Variants in LMX1A observed in about 807,000 individuals in gnomAD.
The protein encoded by LMX1A is LIM homeobox transcription factor 1-alpha.
Under a neutral mutation model 49.1 loss-of-function variants are expected in LMX1A, and 15 were observed. The observed-to-expected ratio is 0.31, with a 90% CI of 0.20 to 0.47. The LOEUF (loss-of-function observed/expected upper bound fraction) is 0.47, where lower values mean the gene tolerates loss of function less well. Ranked by LOEUF, LMX1A falls within the 20% of genes least tolerant of loss-of-function variation. The pLI is 1.00. For synonymous variants in LMX1A, 167 were observed against 185.7 expected (o/e 0.90, Z 0.82); for missense variants, 372 against 475.8 (o/e 0.78, Z 2.03).
chr1:165,214,723 C>T (rs1321357696), intron 4 of LMX1A, among the ~76,000 whole-genome samples: 2 of 152,194 alleles, frequency 1.3e-5, no homozygotes, highest in Non-Finnish European at 2.9e-5. Context: ...CATTAGATTA[C>T]CTGCCAGTAC....
Position 165,308,884 on chromosome 1 carries a change from C to T in LMX1A, c.263+44192G>A, listed in dbSNP as rs1299400440. On this transcript the variant is annotated intron_variant, in intron 3 of 8. Transcript: ENST00000342310. Reference sequence around the variant, plus strand: ...AGGGGTGATCTGCTCATCTTGAAAGCACCTCCCAGGTTAGCCAATGGGACC... The same window carrying T: ...AGGGGTGATCTGCTCATCTTGAAAGTACCTCCCAGGTTAGCCAATGGGACC... Among the ~76,000 whole-genome samples the T allele has an allele frequency of 2.0e-5, 3 of 152,300 alleles. No homozygotes were observed. In the East Asian group the frequency reaches 5.8e-4, roughly 29 times the overall value.
intron 4 of LMX1A, among the ~76,000 whole-genome samples, chr1:165,225,925 A>C (rs942557566): frequency 3.3e-5 from 5 of 152,234 alleles, no homozygotes; most frequent in Non-Finnish European, 4.4e-5. Context: ...GCACATTCTT[A>C]CTTTCAGTCA....
chr1:165,228,607 T>C (rs10494437), intron 4 of LMX1A, among the ~76,000 whole-genome samples: 26,255 of 152,150 alleles, frequency 0.17, 2,543 homozygotes, highest in African/African-American at 0.26. Context: ...ACTAGCCATA[T>C]TGAAAACTAA....
Position 165,324,071 on chromosome 1 carries a change from T to C in LMX1A, c.263+29005A>G, listed in dbSNP as rs548337064. Among the ~76,000 whole-genome samples, 7 of 152,312 alleles carry C rather than the reference T, an allele frequency of 4.6e-5. No individual in the cohort carries two copies. The South Asian group carries it at 1.0e-3, about 23-fold the overall frequency. On this transcript the variant is annotated intron_variant, in intron 3 of 8. Coordinates refer to ENST00000342310, the MANE Select transcript of LMX1A (RefSeq NM_177398.4). ...ATAGCCTAATACAGATACCAATCCA[T>C]GAGAAAGGTGAAAATAAGACTCATG...
chr1:165,353,220 C>T lies in LMX1A; in HGVS notation c.119G>A (p.Arg40Gln), dbSNP rs199877582. ...SPKSVCEGCQ[R>Q]VILDRFLLRL... The stretch of plus-strand genomic sequence containing the variant: ...CAGCAGAAACCTGTCCAAGATGACC[C>T]GCTGACAGCCCTCGCAGACAGACTT... The change falls in exon 3 of 9, where the codon CGG becomes CAG. Residue 40 changes from arginine to glutamine, a missense_variant. Arg to Gln is a conservative substitution (Grantham distance 43). Coordinates refer to ENST00000342310, the MANE Select transcript of LMX1A (RefSeq NM_177398.4). 107 of 1,613,662 alleles carry T rather than the reference C, an allele frequency of 6.6e-5. 1 individual carries two copies. The highest frequency in any genetic ancestry group is 6.7e-5 in the Admixed American group (4 of 59,998).
chr1:165,208,338 G>C (rs1557847853), intron 6 of LMX1A, among the ~76,000 whole-genome samples: 1 of 152,230 alleles, frequency 6.6e-6, no homozygotes, highest in Non-Finnish European at 1.5e-5. Flanking sequence ...GCAGTATAAA[G>C]ACAGCTGGCT....
chr1:165,283,836 C>A (rs368370060), intron 3 of LMX1A, among the ~76,000 whole-genome samples: 1 of 152,292 alleles, frequency 6.6e-6, no homozygotes, highest in East Asian at 1.9e-4. Context: ...ACACATCAGG[C>A]GGGTTGTCCT....
chr1:165,272,064 T>C (rs373525788), intron 3 of LMX1A, among the ~76,000 whole-genome samples: 3 of 152,238 alleles, frequency 2.0e-5, no homozygotes, highest in African/African-American at 7.2e-5. Context: ...GTTTGTTACA[T>C]AAGTAAACGT....
intron 3 of LMX1A, among the ~76,000 whole-genome samples, chr1:165,292,048 C>G (rs1306036452): frequency 8.8e-6 from 1 of 114,030 alleles, no homozygotes; most frequent in South Asian, 2.7e-4. Context: ...GGCGACAGAG[C>G]GAAACTCCGT....
At chr1:165,240,495 G>T (rs1652610478) in intron 4 of LMX1A, among the ~76,000 whole-genome samples, 2 of 152,160 alleles carry the variant, frequency 1.3e-5, no homozygotes, top group African/African-American at 2.4e-5. Flanking sequence ...CAATTGTGCT[G>T]CTCAGCATTC....
At position 165,355,230 on chromosome 1, in the gene LMX1A, G is replaced by C. The variant is rs1656567307; in HGVS notation, c.76+254C>G. 6.6e-6 allele frequency among the ~76,000 whole-genome samples: 1 copy of C among 152,142 alleles called. No individual in the cohort carries two copies. Among genetic ancestry groups the C allele is most frequent in the Non-Finnish European group, 1.5e-5 (1 of 68,028 alleles). On this transcript the variant is annotated intron_variant, in intron 2 of 8. Transcript: ENST00000342310. The surrounding 1 kb of genome is among the most constrained non-coding windows in gnomAD (Gnocchi z 4.7). Reference sequence around the variant, plus strand: ...AATCACTTGCCACTCAGACGCCTACGAACAAGCTCGCCCGCCCCTCGCGGC... The same window carrying C: ...AATCACTTGCCACTCAGACGCCTACCAACAAGCTCGCCCGCCCCTCGCGGC...
chr1:165,346,203 T>C (rs932586031), intron 3 of LMX1A, among the ~76,000 whole-genome samples: 5 of 152,214 alleles, frequency 3.3e-5, no homozygotes, highest in Non-Finnish European at 5.9e-5. Context: ...TCTATCACTC[T>C]ATTATACAAC....
At position 165,210,678 on chromosome 1, in the gene LMX1A, TAA is replaced by T; in HGVS notation, c.747+19_747+20del. On this transcript the variant is annotated intron_variant, in intron 6 of 8. Transcript: ENST00000342310. ...AGGAAACCAGCAACATGGGGACAGA[TAA>T]AAGTAAGAAGCAGGTTACCTTCGCT... 1 of 1,591,178 alleles carries T rather than the reference TAA, an allele frequency of 6.3e-7. No individual in the cohort carries two copies. The highest frequency in any genetic ancestry group is 1.7e-5 in the Admixed American group (1 of 59,856).
At chr1:165,233,802 A>G (rs1258045241) in intron 4 of LMX1A, among the ~76,000 whole-genome samples, 1 of 152,226 alleles carries the variant, frequency 6.6e-6, no homozygotes, top group Admixed American at 6.5e-5. Context: ...TGTTTTGTTC[A>G]TCATTGTGTC....
At chr1:165,222,785 A>G (rs1651895787) in intron 4 of LMX1A, among the ~76,000 whole-genome samples, 1 of 152,186 alleles carries the variant, frequency 6.6e-6, no homozygotes, top group African/African-American at 2.4e-5. Context: ...TTTGGAGAGG[A>G]AAGCCGAGGC....
At chr1:165,259,417 C>A (rs1294965051) in intron 3 of LMX1A, among the ~76,000 whole-genome samples, 2 of 152,202 alleles carry the variant, frequency 1.3e-5, no homozygotes, top group Non-Finnish European at 2.9e-5. Flanking sequence ...CCAACCAGAG[C>A]CAACAGTTGC....
At chr1:165,337,888 C>CTGTGTGTGTGTGTGAGTGTGTGTG (rs1655948339) in intron 3 of LMX1A, among the ~76,000 whole-genome samples, 1 of 146,930 alleles carries the variant, frequency 6.8e-6, no homozygotes, top group African/African-American at 2.6e-5. Flanking sequence ...GTGTGTGTTT[C>CTGTGTGTGTGTGTGAGTGTGTGTG]TGTGTGTGTG....
intron 3 of LMX1A, among the ~76,000 whole-genome samples, chr1:165,347,082 C>T (rs1376293277): frequency 6.6e-6 from 1 of 152,086 alleles, no homozygotes; most frequent in African/African-American, 2.4e-5. Context: ...AACTAAAACA[C>T]CTCATATCAT....
In LMX1A at chr1:165,213,742, T is replaced by G; in HGVS notation, c.568A>C (p.Lys190Gln). Residue 190 changes from lysine (K) to glutamine (Q), a missense_variant, in exon 5 of 9, where the codon AAG becomes CAG. Physicochemically the swap from Lys to Gln is moderately conservative, Grantham distance 53. Coordinates refer to ENST00000342310, the MANE Select transcript of LMX1A (RefSeq NM_177398.4). ...GGACGTTTGGGGCGCTTATGGTCCT[T>G]GCCTTCCTCAGCAGTTCCTTTCCCT... is the stretch of plus-strand genomic sequence containing the variant. ...GAGKGTAEEG[K>Q]DHKRPKRPRT... 1.2e-6 allele frequency: 2 copies of G among 1,614,230 alleles called. No individual in the cohort carries two copies. The highest frequency in any genetic ancestry group is 1.1e-5 in the South Asian group (1 of 91,082).
Sources: allele counts gnomAD v4.1 joint callset (sites outside exome capture counted in the v4.1 genomes callset), GRCh38; gene constraint gnomAD v4.1.1; non-coding constraint Gnocchi (gnomAD v3.1); transcripts MANE v1.5; gene names NCBI Gene and HGNC (gene_info 2026-07-23, HGNC 2026-07-21).